Variants in ARHGAP6 observed in about 807,000 individuals in gnomAD.
The protein encoded by ARHGAP6 is rho GTPase-activating protein 6.
A neutral mutation model predicts 55.7 loss-of-function variants in ARHGAP6; 16 were observed. The ratio of observed to expected loss-of-function variants is 0.29; its 90% CI spans 0.19 to 0.44. ARHGAP6 has a LOEUF of 0.44. ARHGAP6 is among the 20% of genes least tolerant of loss of function. The probability of loss-of-function intolerance (pLI) is 1.00; values close to 1 mark genes in which losing one functional copy is unlikely to be tolerated. For missense variants in ARHGAP6, 698 were observed against 808.9 expected, an observed-to-expected ratio of 0.86 and a Z score of 1.66; for synonymous variants, 382 against 360.9, an observed-to-expected ratio of 1.06 and a Z score of -0.66.
At chrX:11,283,593 T>C (rs1395741320) in intron 1 of ARHGAP6, among the ~76,000 whole-genome samples, 1 of 112,369 alleles carries the variant, frequency 8.9e-6, no homozygotes, top group African/African-American at 3.2e-5. Flanking sequence ...AATCATATGC[T>C]GTTAAAATAA....
At chrX:11,256,304 G>A (rs1426680091) in intron 1 of ARHGAP6, among the ~76,000 whole-genome samples, 3 of 111,964 alleles carry the variant, frequency 2.7e-5, no homozygotes, top group Admixed American at 9.4e-5. Context: ...CAGGAGAATC[G>A]CTTGAACCTG....
chrX:11,366,657 A>G (rs1242239880), intron 1 of ARHGAP6, among the ~76,000 whole-genome samples: 1 of 111,861 alleles, frequency 8.9e-6, no homozygotes, highest in Non-Finnish European at 1.9e-5. Flanking sequence ...AGCCTGGTAA[A>G]TGTCGAATGT....
intron 1 of ARHGAP6, among the ~76,000 whole-genome samples, chrX:11,456,422 G>A (rs2050194126): frequency 8.9e-6 from 1 of 111,880 alleles, no homozygotes; most frequent in East Asian, 2.8e-4. Context: ...GACCTGCCCT[G>A]CCCAATGTCA....
chrX:11,358,431 ATCTTTCTTTCTT>A (rs546950014), intron 1 of ARHGAP6, among the ~76,000 whole-genome samples: 5,119 of 72,371 alleles, frequency 0.071, 159 homozygotes, highest in South Asian at 0.095. Context: ...TTTTAACTGT[ATCTTTCTTTCTT>A]TCTTTCTTTC....
chrX:11,281,407 C>T (rs759741152), intron 1 of ARHGAP6, among the ~76,000 whole-genome samples: 14 of 108,741 alleles, frequency 1.3e-4, no homozygotes, highest in African/African-American at 2.0e-4. Context: ...TTATAATCTA[C>T]CAAAATATAT....
intron 1 of ARHGAP6, among the ~76,000 whole-genome samples, chrX:11,356,677 T>A (rs979986331): frequency 9.0e-6 from 1 of 111,599 alleles, no homozygotes; most frequent in African/African-American, 3.3e-5. Flanking sequence ...TACTTTTTAA[T>A]GTCTGATGGG....
At chrX:11,414,757 A>C (rs2049727872) in intron 1 of ARHGAP6, among the ~76,000 whole-genome samples, 1 of 111,918 alleles carries the variant, frequency 8.9e-6, no homozygotes, top group South Asian at 3.7e-4. Flanking sequence ...GTTTGGCCTA[A>C]AGGATTAATA....
At chrX:11,206,545 T>C (rs768162517) in intron 2 of ARHGAP6, among the ~76,000 whole-genome samples, 1 of 112,189 alleles carries the variant, frequency 8.9e-6, no homozygotes, top group South Asian at 3.7e-4. Flanking sequence ...CTGCCAACAT[T>C]CAGCTTGCAG....
At chrX:11,472,794 A>T (rs929438641) in intron 1 of ARHGAP6, among the ~76,000 whole-genome samples, 2 of 111,171 alleles carry the variant, frequency 1.8e-5, no homozygotes, top group African/African-American at 6.6e-5. Context: ...TGGAGGTAAG[A>T]GGCCTTGCTA....
chrX:11,364,328 C>A (rs1428985670), intron 1 of ARHGAP6, among the ~76,000 whole-genome samples: 1 of 108,108 alleles, frequency 9.3e-6, no homozygotes, highest in African/African-American at 3.4e-5. Context: ...ATATAACAAA[C>A]CTGCACATGT....
chrX:11,328,169 A>C (rs972547410), intron 1 of ARHGAP6, among the ~76,000 whole-genome samples: 2 of 112,352 alleles, frequency 1.8e-5, no homozygotes, highest in African/African-American at 6.5e-5. Flanking sequence ...ATCGTGAAGG[A>C]AGGTAAAATG....
intron 1 of ARHGAP6, among the ~76,000 whole-genome samples, chrX:11,605,917 A>C (rs2052031210): frequency 9.0e-6 from 1 of 110,630 alleles, no homozygotes; most frequent in Admixed American, 9.6e-5. Flanking sequence ...GAGAGCCAAG[A>C]GCAACCCCAT....
intron 1 of ARHGAP6, among the ~76,000 whole-genome samples, chrX:11,469,402 C>G (rs780063978): frequency 8.9e-6 from 1 of 112,243 alleles, no homozygotes; most frequent in Admixed American, 9.4e-5. Flanking sequence ...CTGTTTTAAA[C>G]AAATTTGATT....
intron 1 of ARHGAP6, among the ~76,000 whole-genome samples, chrX:11,398,431 A>G (rs1043952636): frequency 9.0e-6 from 1 of 111,321 alleles, no homozygotes; most frequent in African/African-American, 3.3e-5. Flanking sequence ...TAAACAAATC[A>G]CAAAAGAATT....
rs1440758737 is a variant in ARHGAP6, at chrX:11,567,566, A to AAAAAAATATATATATAT, written c.588+96674_588+96675insATATATATATATTTTTT. ...GAGACTCCATCTCAAAAAAAAAAAA[A>AAAAAAATATATATATAT]ATATATATATATATTTGCCTCAGAG... On this transcript the variant is annotated intron_variant, in intron 1 of 12. Coordinates refer to ENST00000337414, the MANE Select transcript of ARHGAP6 (RefSeq NM_013427.3). Among the ~76,000 whole-genome samples, 32 of 84,413 alleles carry AAAAAAATATATATATAT rather than the reference A, an allele frequency of 3.8e-4. 1 individual carries two copies. The highest frequency in any genetic ancestry group is 1.5e-3 in the African/African-American group (32 of 21,125). The allele number at this position is 84,413 out of a possible 115,157, so 73.3% of individuals were successfully genotyped here.
At position 11,377,166 on chromosome X, in the gene ARHGAP6, T is replaced by C. The variant is rs759452528; in HGVS notation, c.589-122459A>G. ...ATTCATTGTTTCCTTGTTGTTCTGCTTTCCCAGAAAGGTAAGCTCTTTTTC... is the reference window on the plus strand; with the variant it reads ...ATTCATTGTTTCCTTGTTGTTCTGCCTTCCCAGAAAGGTAAGCTCTTTTTC... On this transcript the variant is annotated intron_variant, in intron 1 of 12. Coordinates refer to ENST00000337414, the MANE Select transcript of ARHGAP6 (RefSeq NM_013427.3). Among the ~76,000 whole-genome samples, 4 of 112,394 alleles carry C rather than the reference T, an allele frequency of 3.6e-5. No individual in the cohort carries two copies. The South Asian group carries it at 1.5e-3, about 42-fold the overall frequency.
chrX:11,142,450 C>T (rs1206576532), intron 11 of ARHGAP6, 137 bp from the exon 12 acceptor site: 14 of 330,031 alleles, frequency 4.2e-5, no homozygotes, highest in Non-Finnish European at 6.7e-5. Flanking sequence ...CAATTCAGAT[C>T]CACCTTTCAG....
chrX:11,491,482 C>T (rs144333323), intron 1 of ARHGAP6, among the ~76,000 whole-genome samples: 8,829 of 109,638 alleles, frequency 0.081, 410 homozygotes, highest in East Asian at 0.18. Flanking sequence ...TTTCTTCTTG[C>T]GATAGTTTAC....
intron 2 of ARHGAP6, among the ~76,000 whole-genome samples, chrX:11,252,428 G>T (rs937837300): frequency 8.9e-6 from 1 of 112,489 alleles, no homozygotes; most frequent in South Asian, 3.7e-4. Flanking sequence ...TGTGAGTTAT[G>T]TTGGAGGGAG....
Sources: gnomAD v4.1 joint callset for allele counts (sites outside exome capture counted in the v4.1 genomes callset) on GRCh38, gnomAD v4.1.1 for gene constraint, MANE v1.5 for transcripts, NCBI Gene and HGNC (gene_info 2026-07-23, HGNC 2026-07-21) for gene names.